Variants in CTNNA3 observed in about 807,000 individuals in gnomAD.
CTNNA3 encodes catenin alpha 3, also known as catenin alpha-3.
Under a neutral mutation model 95.7 loss-of-function variants are expected in CTNNA3, and 76 were observed. The ratio of observed to expected loss-of-function variants is 0.79; its 90% CI spans 0.66 to 0.96. The LOEUF (loss-of-function observed/expected upper bound fraction) is 0.96. CTNNA3 is among the 40% of genes least tolerant of loss of function. CTNNA3 has a pLI of 0.00. For missense variants in CTNNA3, 1,191 were observed against 1,089.8 expected, an observed-to-expected ratio of 1.09 and a Z score of -1.31; for synonymous variants, 431 against 374.4, an observed-to-expected ratio of 1.15 and a Z score of -1.74.
chr10:66,293,667 C>T (rs919807991), intron 12 of CTNNA3, among the ~76,000 whole-genome samples: 8 of 138,392 alleles, frequency 5.8e-5, no homozygotes, highest in Non-Finnish European at 6.2e-5. Flanking sequence ...TTTTTTCTTT[C>T]TTTTTTTTTT....
chr10:67,748,022 T>C (rs1287216977), intron 1 of CTNNA3, among the ~76,000 whole-genome samples: 2 of 152,158 alleles, frequency 1.3e-5, no homozygotes, highest in Admixed American at 6.5e-5. Context: ...AAGACTTTCT[T>C]GCTGAAACAG....
chr10:66,906,056 A>G (rs1845975567), intron 7 of CTNNA3, among the ~76,000 whole-genome samples: 1 of 152,208 alleles, frequency 6.6e-6, no homozygotes, highest in African/African-American at 2.4e-5. Context: ...AAGGAATAAC[A>G]GAATATTACT....
chr10:66,571,335 T>C (rs1405261994), intron 10 of CTNNA3, among the ~76,000 whole-genome samples: 3 of 152,170 alleles, frequency 2.0e-5, no homozygotes, highest in Non-Finnish European at 2.9e-5. Context: ...GATTAAAAAA[T>C]AGCATTACAA....
intron 10 of CTNNA3, among the ~76,000 whole-genome samples, chr10:66,572,601 A>C (rs1186506348): frequency 6.6e-6 from 1 of 151,618 alleles, no homozygotes; most frequent in Non-Finnish European, 1.5e-5. Context: ...AACCAAAATA[A>C]CCTAGATGAG....
intron 7 of CTNNA3, among the ~76,000 whole-genome samples, chr10:66,833,993 T>C (rs1842812116): frequency 6.6e-6 from 1 of 152,210 alleles, no homozygotes; most frequent in Non-Finnish European, 1.5e-5. Flanking sequence ...CAAAATGTTA[T>C]TGGGAAGGTA....
chr10:67,216,085 A>AT (rs1461418186), intron 6 of CTNNA3, among the ~76,000 whole-genome samples: 1 of 152,204 alleles, frequency 6.6e-6, no homozygotes, highest in Non-Finnish European at 1.5e-5. Flanking sequence ...GTGCTTCTAG[A>AT]TAACAGTGAT....
chr10:67,081,699 G>A (rs929447938), intron 7 of CTNNA3, among the ~76,000 whole-genome samples: 4 of 152,072 alleles, frequency 2.6e-5, no homozygotes, highest in Non-Finnish European at 5.9e-5. Context: ...TAGTCTCCTG[G>A]ACCAGCTATG....
At chr10:67,410,188 A>C (rs1032750893) in intron 5 of CTNNA3, among the ~76,000 whole-genome samples, 1 of 152,190 alleles carries the variant, frequency 6.6e-6, no homozygotes, top group Non-Finnish European at 1.5e-5. Flanking sequence ...AAAAGGAATG[A>C]GATCATGTCA....
intron 11 of CTNNA3, among the ~76,000 whole-genome samples, chr10:66,497,339 G>A (rs1027515051): frequency 1.1e-4 from 17 of 151,364 alleles, no homozygotes; most frequent in African/African-American, 3.6e-4. Flanking sequence ...TCATCACTTT[G>A]ATGACAAAAA....
At chr10:67,084,667 T>A (rs1466079903) in intron 7 of CTNNA3, among the ~76,000 whole-genome samples, 1 of 151,894 alleles carries the variant, frequency 6.6e-6, no homozygotes, top group Non-Finnish European at 1.5e-5. Context: ...TGATAACTTT[T>A]ATAATGGACA....
intron 7 of CTNNA3, among the ~76,000 whole-genome samples, chr10:66,938,494 A>G (rs1847836927): frequency 2.0e-5 from 3 of 152,232 alleles, no homozygotes; most frequent in Non-Finnish European, 4.4e-5. Flanking sequence ...TTTATTATTC[A>G]TTAAGCGAAA....
chr10:66,347,805 A>C (rs929479520), intron 12 of CTNNA3, among the ~76,000 whole-genome samples: 1 of 152,098 alleles, frequency 6.6e-6, no homozygotes, highest in Non-Finnish European at 1.5e-5. Context: ...GAAATACATA[A>C]ATCTGAATAA....
chr10:67,260,179 G>A (rs1489358778), intron 5 of CTNNA3, among the ~76,000 whole-genome samples: 1 of 152,184 alleles, frequency 6.6e-6, no homozygotes, highest in Non-Finnish European at 1.5e-5. Flanking sequence ...GGACCACAGA[G>A]GTTAGGTGTT....
chr10:66,404,185 G>A (rs1348163841), intron 11 of CTNNA3, among the ~76,000 whole-genome samples: 2 of 152,160 alleles, frequency 1.3e-5, no homozygotes, highest in Admixed American at 6.5e-5. Context: ...CCTGAGGACC[G>A]TTTTCTACAC....
At chr10:66,704,339 G>C (rs1371027573) in intron 9 of CTNNA3, among the ~76,000 whole-genome samples, 1 of 152,064 alleles carries the variant, frequency 6.6e-6, no homozygotes, top group African/African-American at 2.4e-5. Context: ...AAACATAAAT[G>C]CTTCTTTTTC....
intron 15 of CTNNA3, among the ~76,000 whole-genome samples, chr10:66,013,388 T>C (rs890206133): frequency 1.3e-5 from 2 of 152,208 alleles, no homozygotes; most frequent in African/African-American, 4.8e-5. Context: ...GAGTATCAAA[T>C]AAAATTATAT....
At chr10:66,266,799 T>G (rs2132117816) in intron 13 of CTNNA3, among the ~76,000 whole-genome samples, 1 of 152,166 alleles carries the variant, frequency 6.6e-6, no homozygotes, top group Admixed American at 6.6e-5. Context: ...CTATTATTAT[T>G]GTTAGTATCA....
intron 12 of CTNNA3, among the ~76,000 whole-genome samples, chr10:66,317,184 A>G (rs1274800626): frequency 2.0e-5 from 3 of 152,146 alleles, no homozygotes; most frequent in African/African-American, 7.2e-5. Flanking sequence ...ATGCAAGTTT[A>G]ATACATTAAA....
intron 1 of CTNNA3, among the ~76,000 whole-genome samples, chr10:67,742,015 T>G (rs993209920): frequency 6.6e-6 from 1 of 151,078 alleles, no homozygotes; most frequent in Non-Finnish European, 1.5e-5. Context: ...AGCAAGTCCT[T>G]AGAGACCTAC....
Sources: gnomAD v4.1 joint callset for allele counts (sites outside exome capture counted in the v4.1 genomes callset) on GRCh38, gnomAD v4.1.1 for gene constraint, MANE v1.5 for transcripts, NCBI Gene and HGNC (gene_info 2026-07-23, HGNC 2026-07-21) for gene names.